The following CAMTA1 variants were observed in gnomAD, a reference collection of about 807,000 sequenced individuals.
CAMTA1 encodes calmodulin binding transcription activator 1.
In CAMTA1, 27 loss-of-function variants were observed where a neutral mutation model predicts 170.9. The ratio of observed to expected loss-of-function variants is 0.16; its 90% CI spans 0.12 to 0.22. The LOEUF (loss-of-function observed/expected upper bound fraction) is 0.22. Ranked by LOEUF, CAMTA1 falls within the 10% of genes least tolerant of loss-of-function variation. The pLI is 1.00. For synonymous variants in CAMTA1, 833 were observed against 891.5 expected (o/e 0.93, Z 1.17); for missense variants, 1,619 against 2,217.2 (o/e 0.73, Z 5.42).
At chr1:7,276,874 A>G (rs1352710784) in intron 5 of CAMTA1, among the ~76,000 whole-genome samples, 2 of 152,266 alleles carry the variant, frequency 1.3e-5, no homozygotes, top group Non-Finnish European at 2.9e-5. Context: ...AGGAAGGCCA[A>G]AGGAACAAGG....
chr1:6,980,115 C>G (rs1293517239), intron 3 of CAMTA1, among the ~76,000 whole-genome samples: 1 of 152,226 alleles, frequency 6.6e-6, no homozygotes, highest in Non-Finnish European at 1.5e-5. Flanking sequence ...CTCTTACTGA[C>G]AGCCCCTCCA....
chr1:6,790,080 C>T (rs76507141), intron 1 of CAMTA1, among the ~76,000 whole-genome samples: 12,093 of 152,030 alleles, frequency 0.08, 719 homozygotes, highest in East Asian at 0.26. Flanking sequence ...TCCCTTGCCT[C>T]AGCCTCCCAA....
chr1:7,289,756 C>T (rs760916599), intron 5 of CAMTA1, among the ~76,000 whole-genome samples: 27 of 152,104 alleles, frequency 1.8e-4, no homozygotes, highest in Admixed American at 1.2e-3. Flanking sequence ...GGAGAGACTG[C>T]GTGAAGACAG....
intron 3 of CAMTA1, among the ~76,000 whole-genome samples, chr1:6,878,066 T>C (rs1009131851): frequency 6.6e-6 from 1 of 152,244 alleles, no homozygotes; most frequent in African/African-American, 2.4e-5. Flanking sequence ...AAAGTTTTAA[T>C]TAAAGAAACA....
intron 1 of CAMTA1, among the ~76,000 whole-genome samples, chr1:6,791,131 T>A (rs1387932687): frequency 2.4e-5 from 3 of 126,020 alleles, no homozygotes; most frequent in African/African-American, 5.9e-5. Context: ...TTTTTTTTTT[T>A]AAATGTTCTA....
chr1:7,254,170 A>G (rs1667024495), intron 5 of CAMTA1, among the ~76,000 whole-genome samples: 1 of 152,206 alleles, frequency 6.6e-6, no homozygotes, highest in African/African-American at 2.4e-5. Flanking sequence ...GAATCAGCCA[A>G]TGTGACTTGA....
At chr1:6,919,734 G>A (rs1681581880) in intron 3 of CAMTA1, among the ~76,000 whole-genome samples, 1 of 152,236 alleles carries the variant, frequency 6.6e-6, no homozygotes, top group Non-Finnish European at 1.5e-5. Flanking sequence ...AATCATGGCG[G>A]AAGGCAAGGA....
intron 10 of CAMTA1, among the ~76,000 whole-genome samples, chr1:7,676,792 C>T (rs919407883): frequency 6.6e-6 from 1 of 152,210 alleles, no homozygotes; most frequent in African/African-American, 2.4e-5. Flanking sequence ...AGGCCAGCCC[C>T]CAAGATGCCA....
chr1:7,448,059 C>T (rs1232962884), intron 5 of CAMTA1, among the ~76,000 whole-genome samples: 4 of 152,230 alleles, frequency 2.6e-5, no homozygotes, highest in Non-Finnish European at 4.4e-5. Context: ...CCTCTGCGGC[C>T]GCTGTCTTGA....
At chr1:6,875,881 T>C (rs1315964819) in intron 3 of CAMTA1, among the ~76,000 whole-genome samples, 1 of 152,238 alleles carries the variant, frequency 6.6e-6, no homozygotes, top group Non-Finnish European at 1.5e-5. Context: ...AATAGGTCCT[T>C]ACATTGTGCA....
At chr1:7,134,037 C>G (rs1488836245) in intron 4 of CAMTA1, among the ~76,000 whole-genome samples, 1 of 152,148 alleles carries the variant, frequency 6.6e-6, no homozygotes, top group Admixed American at 6.5e-5. Flanking sequence ...AGTTTTTCCA[C>G]CCACACCTCC....
intron 11 of CAMTA1, among the ~76,000 whole-genome samples, chr1:7,725,160 C>T (rs991345716): frequency 6.6e-6 from 1 of 152,212 alleles, no homozygotes; most frequent in African/African-American, 2.4e-5. Flanking sequence ...CGGGGATTTA[C>T]ATGCGCGTGC....
At chr1:7,644,701 A>G (rs1407988094) in intron 7 of CAMTA1, among the ~76,000 whole-genome samples, 2 of 152,234 alleles carry the variant, frequency 1.3e-5, no homozygotes, top group African/African-American at 4.8e-5. Flanking sequence ...CACAACTTGC[A>G]TACATCATTT....
At chr1:6,929,210 C>T (rs1008086365) in intron 3 of CAMTA1, among the ~76,000 whole-genome samples, 5 of 152,150 alleles carry the variant, frequency 3.3e-5, no homozygotes, top group South Asian at 2.1e-4. Context: ...GACAGAGTCT[C>T]GCTGTGTCAC....
At chr1:7,214,907 G>A (rs1215334043) in intron 4 of CAMTA1, among the ~76,000 whole-genome samples, 2 of 143,348 alleles carry the variant, frequency 1.4e-5, no homozygotes, top group Non-Finnish European at 3.1e-5. Flanking sequence ...AACACCAATT[G>A]TTGAAAAGGC....
intron 4 of CAMTA1, among the ~76,000 whole-genome samples, chr1:7,114,573 G>A (rs1573175997): frequency 6.6e-6 from 1 of 152,356 alleles, no homozygotes; most frequent in South Asian, 2.1e-4. Context: ...GGTTGGACAA[G>A]CTTGACATAG....
At chr1:7,166,587 T>C (rs1263010849) in intron 4 of CAMTA1, among the ~76,000 whole-genome samples, 1 of 152,204 alleles carries the variant, frequency 6.6e-6, no homozygotes, top group Admixed American at 6.5e-5. Flanking sequence ...TCATAGAGGG[T>C]TATTGGCCAT....
chr1:7,341,995 G>A (rs1424436993), intron 5 of CAMTA1, among the ~76,000 whole-genome samples: 1 of 152,170 alleles, frequency 6.6e-6, no homozygotes, highest in African/African-American at 2.4e-5. Context: ...TCTGGCCTAG[G>A]AGCTGTTTGT....
chr1:7,346,627 C>A (rs769615449), intron 5 of CAMTA1, among the ~76,000 whole-genome samples: 3 of 152,108 alleles, frequency 2.0e-5, no homozygotes, highest in Non-Finnish European at 4.4e-5. Context: ...ATGGAATTTG[C>A]GGGGAAGAGG....
Sources: allele counts gnomAD v4.1 joint callset (sites outside exome capture counted in the v4.1 genomes callset), GRCh38; gene constraint gnomAD v4.1.1; transcripts MANE v1.5; gene names NCBI Gene and HGNC (gene_info 2026-07-23, HGNC 2026-07-21).